Variants in POLR3B observed in about 807,000 individuals in gnomAD.
POLR3B encodes DNA-directed RNA polymerase III subunit RPC2.
POLR3B carries 96 observed loss-of-function variants against 147.4 expected under a neutral mutation model. The observed-to-expected ratio is 0.65, with a 90% CI of 0.55 to 0.77. The LOEUF is 0.77. Ranked by LOEUF, POLR3B falls within the 30% of genes least tolerant of loss-of-function variation. POLR3B has a pLI of 0.00. For synonymous variants in POLR3B, 461 were observed against 485.9 expected (o/e 0.95, Z 0.67); for missense variants, 1,036 against 1,413.5 (o/e 0.73, Z 4.28).
chr12:106,429,433 C>G (rs2037479219), intron 13 of POLR3B, among the ~76,000 whole-genome samples: 1 of 152,142 alleles, frequency 6.6e-6, no homozygotes, highest in Admixed American at 6.5e-5. Context: ...GCCAACACAC[C>G]CGGCCTGCTT....
At chr12:106,472,562 G>A (rs1192919878) in intron 23 of POLR3B, among the ~76,000 whole-genome samples, 1 of 151,182 alleles carries the variant, frequency 6.6e-6, no homozygotes, top group Non-Finnish European at 1.5e-5. Flanking sequence ...ATTCTAACTG[G>A]TGTGAGATGA....
At position 106,501,474 on chromosome 12, in the gene POLR3B, A is replaced by C. The variant is rs12300729; in HGVS notation, c.3098+38A>C. ...TACTTACAAAAAGAATTGATAATGC[A>C]GTCAAGTCCACCTTGTATTTTCCAG... On this transcript the variant is annotated intron_variant, in intron 26 of 27. Coordinates refer to ENST00000228347, the MANE Select transcript of POLR3B (RefSeq NM_018082.6). The C allele has an allele frequency of 0.023, 27,442 of 1,174,480 alleles. 487 individuals carry two copies. The highest frequency in any genetic ancestry group is 0.049 in the South Asian group (3,964 of 81,624). 72.8% of individuals were successfully genotyped at this position (1,174,480 alleles called of 1,614,324 possible).
chr12:106,456,451 C>G (rs1367417814), intron 20 of POLR3B, among the ~76,000 whole-genome samples: 2 of 152,134 alleles, frequency 1.3e-5, no homozygotes, highest in Non-Finnish European at 2.9e-5. Context: ...AAACTCCAAT[C>G]TTTAGGGCAG....
intron 10 of POLR3B, among the ~76,000 whole-genome samples, chr12:106,395,979 G>C (rs6539268): frequency 0.34 from 51,244 of 151,836 alleles, 11,514 homozygotes; most frequent in African/African-American, 0.64. Flanking sequence ...TTTATGCCTC[G>C]CTTTGTAGTC....
chr12:106,493,253 C>A (rs982518465), intron 23 of POLR3B, among the ~76,000 whole-genome samples: 2 of 152,162 alleles, frequency 1.3e-5, no homozygotes, highest in Admixed American at 1.3e-4. Context: ...GGGAAAATGA[C>A]CATAACTTTT....
At chr12:106,381,002 G>A (rs375169061) in intron 9 of POLR3B, among the ~76,000 whole-genome samples, 7 of 152,222 alleles carry the variant, frequency 4.6e-5, no homozygotes, top group African/African-American at 1.4e-4. Flanking sequence ...GTGCAATAGC[G>A]TTATGTATAA....
At chr12:106,430,555 C>T in intron 14 of POLR3B, 82 bp downstream of exon 14, 8 of 1,007,072 alleles carry the variant, frequency 7.9e-6, no homozygotes, top group Non-Finnish European at 1.3e-5. Flanking sequence ...AGGTCTGCTT[C>T]TGTTCCCATC....
intron 10 of POLR3B, among the ~76,000 whole-genome samples, chr12:106,399,163 C>T (rs1055591843): frequency 2.0e-5 from 3 of 152,126 alleles, no homozygotes; most frequent in Admixed American, 6.5e-5. Flanking sequence ...AAAACCAAGG[C>T]ACGAGAACTA....
At chr12:106,484,884 A>C (rs900659945) in intron 23 of POLR3B, among the ~76,000 whole-genome samples, 2 of 152,114 alleles carry the variant, frequency 1.3e-5, no homozygotes, top group Non-Finnish European at 2.9e-5. Flanking sequence ...AAAAAAGGCC[A>C]GTCTGGCCAG....
intron 4 of POLR3B, among the ~76,000 whole-genome samples, chr12:106,367,477 T>C (rs1009070665): frequency 3.9e-5 from 6 of 152,242 alleles, no homozygotes; most frequent in East Asian, 1.9e-4. Flanking sequence ...CTCCGTGTTA[T>C]GTTTAGTTGT....
intron 27 of POLR3B, among the ~76,000 whole-genome samples, chr12:106,505,671 C>T (rs2038675830): frequency 6.6e-6 from 1 of 152,154 alleles, no homozygotes; most frequent in African/African-American, 2.4e-5. Flanking sequence ...CCCCTCATTG[C>T]CCCTCACCTG....
chr12:106,472,239 C>T, intron 23 of POLR3B, among the ~76,000 whole-genome samples: 1 of 148,520 alleles, frequency 6.7e-6, no homozygotes, highest in African/African-American at 2.5e-5. Context: ...ATATGTGCCA[C>T]ATTTTCTTAA....
intron 10 of POLR3B, among the ~76,000 whole-genome samples, chr12:106,402,798 A>C (rs1281127952): frequency 6.6e-6 from 1 of 152,234 alleles, no homozygotes; most frequent in African/African-American, 2.4e-5. Flanking sequence ...CACCTTATAC[A>C]AAAATTAATT....
At chr12:106,429,626 A>G (rs1319715795) in intron 13 of POLR3B, among the ~76,000 whole-genome samples, 2 of 152,158 alleles carry the variant, frequency 1.3e-5, no homozygotes, top group East Asian at 1.9e-4. Context: ...AGTAAATTTA[A>G]TGTTCAAGGT....
chr12:106,489,110 C>G (rs1457790684), intron 23 of POLR3B, among the ~76,000 whole-genome samples: 1 of 152,102 alleles, frequency 6.6e-6, no homozygotes, highest in Non-Finnish European at 1.5e-5. Flanking sequence ...ATCACAGCAT[C>G]GGGCAGCAAT....
At position 106,405,829 on chromosome 12, in the gene POLR3B, A is replaced by G. The variant is rs758105674; in HGVS notation, c.847-28A>G. Reference sequence around the variant, plus strand: ...TAAACTACCTCCAGTGATGTCATTCAAACATTATTGTAATCTGTTTTTTAT... The same window carrying G: ...TAAACTACCTCCAGTGATGTCATTCGAACATTATTGTAATCTGTTTTTTAT... On this transcript the variant is annotated intron_variant, in intron 10 of 27. Coordinates refer to ENST00000228347, the MANE Select transcript of POLR3B (RefSeq NM_018082.6). The G allele has an allele frequency of 1.9e-6, 3 of 1,609,726 alleles. No individual in the cohort carries two copies. In the South Asian group the frequency reaches 3.3e-5, roughly 18 times the overall value.
chr12:106,485,608 G>T (rs1472323352), intron 23 of POLR3B, among the ~76,000 whole-genome samples: 1 of 152,178 alleles, frequency 6.6e-6, no homozygotes, highest in Non-Finnish European at 1.5e-5. Context: ...CTTGCTTATG[G>T]CTTGGATGGA....
At chr12:106,503,964 G>C (rs1303717283) in intron 26 of POLR3B, 117 bp from the exon 27 acceptor site, 1 of 924,228 alleles carries the variant, frequency 1.1e-6, no homozygotes, top group Non-Finnish European at 1.8e-6. Flanking sequence ...TCCAGTTATT[G>C]ATTTGGATCC....
At chr12:106,372,740 CT>C (rs1212283753) in intron 6 of POLR3B, among the ~76,000 whole-genome samples, 4 of 152,122 alleles carry the variant, frequency 2.6e-5, no homozygotes, top group Non-Finnish European at 4.4e-5. Context: ...TGTGGCTTAG[CT>C]TACCTGTGTC....
Sources: gnomAD v4.1 joint callset for allele counts (sites outside exome capture counted in the v4.1 genomes callset) on GRCh38, gnomAD v4.1.1 for gene constraint, MANE v1.5 for transcripts, NCBI Gene and HGNC (gene_info 2026-07-23, HGNC 2026-07-21) for gene names.